Variants in ARHGAP26 observed in about 807,000 individuals in gnomAD.
The protein encoded by ARHGAP26 is rho GTPase-activating protein 26.
A neutral mutation model predicts 104.8 loss-of-function variants in ARHGAP26; 38 were observed. That is an observed-to-expected ratio of 0.36 (90% CI 0.28 to 0.48). ARHGAP26 has a LOEUF of 0.48. Among genes scored for constraint, ARHGAP26 ranks in the 20% least tolerant of loss-of-function variants. ARHGAP26 has a pLI of 0.99. For synonymous variants in ARHGAP26, 341 were observed against 340.0 expected (o/e 1.00, Z -0.03); for missense variants, 704 against 947.9 (o/e 0.74, Z 3.38).
At position 142,871,208 on chromosome 5, in the gene ARHGAP26, GA is replaced by G. The variant is rs767201100; in HGVS notation, c.155-2189del. ...GGTGTGCTCTGTGCCAGTGGACAAG[GA>G]AATCAGGTCACCTGCTGGTCATAAG... On this transcript the variant is annotated intron_variant, in intron 1 of 22. Transcript: ENST00000645722. The surrounding 1 kb of genome is among the most constrained non-coding windows in gnomAD (Gnocchi z 4.1). Among the ~76,000 whole-genome samples the G allele has an allele frequency of 2.6e-5, 4 of 152,194 alleles. No individual in the cohort carries two copies. Among genetic ancestry groups the G allele is most frequent in the Non-Finnish European group, 4.4e-5 (3 of 68,048 alleles).
intron 11 of ARHGAP26, among the ~76,000 whole-genome samples, chr5:142,968,584 C>T (rs1245270119): frequency 6.6e-6 from 1 of 152,112 alleles, no homozygotes; most frequent in African/African-American, 2.4e-5. Context: ...CTTTTCAGTC[C>T]TCTCTGGTTG....
chr5:142,996,232 A>G (rs1293811207), intron 11 of ARHGAP26, among the ~76,000 whole-genome samples: 4 of 152,166 alleles, frequency 2.6e-5, no homozygotes, highest in Non-Finnish European at 4.4e-5. Flanking sequence ...AGTGGCTCAC[A>G]CCTGTAATCC....
chr5:143,150,948 C>T (rs1049914358), intron 20 of ARHGAP26, among the ~76,000 whole-genome samples: 1 of 152,192 alleles, frequency 6.6e-6, no homozygotes, highest in Non-Finnish European at 1.5e-5. Flanking sequence ...AAAACTTCTG[C>T]TCTGTGAAAG....
chr5:143,123,028 A>G (rs1017953823), intron 18 of ARHGAP26, among the ~76,000 whole-genome samples: 3 of 152,282 alleles, frequency 2.0e-5, no homozygotes, highest in Admixed American at 1.3e-4. Context: ...GAAAGCAGGG[A>G]CGTTGTGTTT....
chr5:143,097,508 C>G (rs1792545982), intron 17 of ARHGAP26, among the ~76,000 whole-genome samples: 1 of 151,722 alleles, frequency 6.6e-6, no homozygotes, highest in South Asian at 2.1e-4. Flanking sequence ...TCTGTTGAAG[C>G]AGAGCTAATG....
intron 1 of ARHGAP26, among the ~76,000 whole-genome samples, chr5:142,838,549 C>G (rs1186464498): frequency 6.6e-6 from 1 of 152,184 alleles, no homozygotes; most frequent in Non-Finnish European, 1.5e-5. Context: ...TGTTGAACTT[C>G]TCTGAGTTTT....
At chr5:143,098,038 A>T (rs1288371044) in intron 17 of ARHGAP26, among the ~76,000 whole-genome samples, 1 of 152,152 alleles carries the variant, frequency 6.6e-6, no homozygotes, top group Non-Finnish European at 1.5e-5. Context: ...AGAATTCCAT[A>T]CAGTTTTTAC....
chr5:142,957,453 T>C lies in ARHGAP26; in HGVS notation c.1107+25328T>C, dbSNP rs147338315. 8.1e-4 allele frequency among the ~76,000 whole-genome samples: 124 copies of C among 152,368 alleles called. 3 individuals carry two copies. Among genetic ancestry groups the C allele is most frequent in the African/African-American group, 2.7e-3 (113 of 41,588 alleles). The stretch of plus-strand genomic sequence containing the variant: ...CTCTGCCTTCCCTCCAAGACCATCA[T>C]TGGACCATAAGATATTGGTCCTCAT... On this transcript the variant is annotated intron_variant, in intron 11 of 22. Transcript: ENST00000645722.
chr5:143,096,711 G>A (rs1792370503), intron 17 of ARHGAP26, among the ~76,000 whole-genome samples: 1 of 150,568 alleles, frequency 6.6e-6, no homozygotes, highest in Admixed American at 6.6e-5. Flanking sequence ...CTGTGAGTGT[G>A]TAGCAGTGAA....
intron 1 of ARHGAP26, among the ~76,000 whole-genome samples, chr5:142,792,325 TC>T (rs1299912652): frequency 6.6e-6 from 1 of 152,212 alleles, no homozygotes; most frequent in East Asian, 1.9e-4. Context: ...CCATACACCT[TC>T]TTATTTTTTA....
intron 1 of ARHGAP26, among the ~76,000 whole-genome samples, chr5:142,836,786 C>G (rs1475031508): frequency 6.6e-6 from 1 of 152,202 alleles, no homozygotes; most frequent in Non-Finnish European, 1.5e-5. Flanking sequence ...AGATACCATA[C>G]TAGGCATTTT....
At chr5:143,100,752 C>T (rs1793097927) in intron 17 of ARHGAP26, among the ~76,000 whole-genome samples, 1 of 152,210 alleles carries the variant, frequency 6.6e-6, no homozygotes, top group South Asian at 2.1e-4. Context: ...TGCTCCTTTG[C>T]TTCTCCTTTC....
At chr5:142,928,235 T>G (rs1244006523) in intron 10 of ARHGAP26, among the ~76,000 whole-genome samples, 79 of 122,500 alleles carry the variant, frequency 6.4e-4, no homozygotes, top group East Asian at 6.2e-3. Context: ...GTGTGTGTTT[T>G]TTTTTTTTTT....
intron 22 of ARHGAP26, among the ~76,000 whole-genome samples, chr5:143,222,027 T>C (rs1400581927): frequency 6.6e-6 from 1 of 152,148 alleles, no homozygotes; most frequent in African/African-American, 2.4e-5. Flanking sequence ...GTCACTTCTT[T>C]GTAGTTTAAA....
intron 1 of ARHGAP26, among the ~76,000 whole-genome samples, chr5:142,803,374 G>A (rs923007976): frequency 6.6e-6 from 1 of 152,072 alleles, no homozygotes; most frequent in African/African-American, 2.4e-5. Flanking sequence ...GGAATCTTTT[G>A]GCTGCCTTTA....
At chr5:142,886,143 T>TA (rs948062704) in intron 5 of ARHGAP26, among the ~76,000 whole-genome samples, 1 of 152,234 alleles carries the variant, frequency 6.6e-6, no homozygotes, top group African/African-American at 2.4e-5. Context: ...AATTTGGCTT[T>TA]AAAAATGTCA....
intron 1 of ARHGAP26, among the ~76,000 whole-genome samples, chr5:142,801,703 C>T (rs953279303): frequency 6.6e-5 from 10 of 152,130 alleles, no homozygotes; most frequent in Admixed American, 5.9e-4. Flanking sequence ...CCCCAGCCCC[C>T]GCCTTTGGCT....
chr5:143,192,583 G>A (rs564919710), intron 20 of ARHGAP26: 1 of 152,270 alleles, frequency 6.6e-6, no homozygotes, highest in East Asian at 1.9e-4. Context: ...TTACTTTATG[G>A]CCCCTTAAGA....
At position 142,894,327 on chromosome 5, in the gene ARHGAP26, G is replaced by T. The variant is rs1278151523; in HGVS notation, c.576G>T (p.Lys192Asn). 1 of 1,614,034 alleles carries T rather than the reference G, an allele frequency of 6.2e-7. No homozygotes were observed. ...AGGTGCAGGAAGTCCAAGAGAGAAA[G>T]ATGTTTGAGTTTGTGGAGCCTGTAA... ...VFKVQEVQER[K>N]MFEFVEPLLA... is the part of the protein sequence containing the mutation. The change falls in exon 6 of 23, where the codon AAG becomes AAT. Residue 192 changes from lysine to asparagine, a missense_variant. This residue lies in a region of ARHGAP26 where 16 missense variants were observed against 46.4 expected (regional missense o/e 0.34). Coordinates refer to ENST00000645722, the MANE Select transcript of ARHGAP26 (RefSeq NM_001135608.3).
Sources: gnomAD v4.1 joint callset for allele counts (sites outside exome capture counted in the v4.1 genomes callset) on GRCh38, gnomAD v4.1.1 for gene constraint, gnomAD v4.1.1 regional missense constraint, Gnocchi (gnomAD v3.1) non-coding constraint, MANE v1.5 for transcripts, NCBI Gene and HGNC (gene_info 2026-07-23, HGNC 2026-07-21) for gene names.